RPAP2: variants seen among roughly 807,000 people sequenced by gnomAD.
RPAP2 encodes RNA polymerase II associated protein 2, also known as putative RNA polymerase II subunit B1 CTD phosphatase RPAP2.
RPAP2 carries 52 observed loss-of-function variants against 73.1 expected under a neutral mutation model. The observed-to-expected ratio is 0.71, with a 90% confidence interval of 0.57 to 0.90. The LOEUF is 0.90. Ranked by LOEUF, RPAP2 falls within the 40% of genes least tolerant of loss-of-function variation. The pLI is 0.00. For missense variants in RPAP2, 598 were observed against 701.8 expected, an observed-to-expected ratio of 0.85 and a Z score of 1.67; for synonymous variants, 225 against 242.1, an observed-to-expected ratio of 0.93 and a Z score of 0.65.
intron 6 of RPAP2, among the ~76,000 whole-genome samples, chr1:92,312,373 CACACCACTGCACTCCAGCCTTGGCA>C (rs779732485): frequency 4.6e-5 from 7 of 151,154 alleles, no homozygotes; most frequent in Non-Finnish European, 8.8e-5. Context: ...TGAGTTAGAT[CACACCACTGCACTCCAGCCTTGGCA>C]ACAGAGCAAG....
In RPAP2 at chr1:92,393,576, A is replaced by C. The variant is rs1007405286; in HGVS notation, c.*6565A>C. The C allele has an allele frequency of 3.3e-5, 5 of 152,230 alleles. No individual in the cohort carries two copies. The highest frequency in any genetic ancestry group is 3.3e-4 in the Admixed American group (5 of 15,286). 9.4% of individuals were successfully genotyped at this position (152,230 alleles called of 1,614,324 possible). A position where few individuals can be genotyped will look rare whatever the true frequency, so the allele number is the denominator to read the frequency against. ...GGGAGAACATTTTTGCAATATATCC[A>C]TCTGACAAAGGGCTAATATCCAGAA... On this transcript the variant is annotated 3_prime_UTR_variant, in exon 13 of 13. Transcript: ENST00000610020.
intron 4 of RPAP2, 21 bp downstream of exon 4, chr1:92,304,096 A>G (rs184276869): frequency 6.7e-7 from 1 of 1,498,404 alleles, no homozygotes; most frequent in Non-Finnish European, 9.2e-7. Flanking sequence ...CATTTTTTTT[A>G]AAATATAGGC....
rs1349177205 is a variant in RPAP2, at chr1:92,396,033, G to T, written c.*9022G>T. On this transcript the variant is annotated 3_prime_UTR_variant, in exon 13 of 13. Coordinates refer to ENST00000610020, the MANE Select transcript of RPAP2 (RefSeq NM_024813.3). Reference sequence around the variant, plus strand: ...AATGGTGCAGCCACTTTGGAAAACAGTTTGGCAGTTTCTTAAAAAGATAAA... The same window carrying T: ...AATGGTGCAGCCACTTTGGAAAACATTTTGGCAGTTTCTTAAAAAGATAAA... 1 of 152,158 alleles carries T rather than the reference G, an allele frequency of 6.6e-6. No homozygotes were observed. Among genetic ancestry groups the T allele is most frequent in the Non-Finnish European group, 1.5e-5 (1 of 68,026 alleles). 9.4% of individuals were successfully genotyped at this position (152,158 alleles called of 1,614,324 possible). A position where few individuals can be genotyped will look rare whatever the true frequency, so the allele number is the denominator to read the frequency against.
At chr1:92,371,317 A>ATATATATATATATATAT (rs1430055099) in intron 11 of RPAP2, among the ~76,000 whole-genome samples, 6 of 55,762 alleles carry the variant, frequency 1.1e-4, no homozygotes, top group African/African-American at 5.6e-4. Flanking sequence ...AAAAAAAAAA[A>ATATATATATATATATAT]AAATATATAT....
intron 6 of RPAP2, among the ~76,000 whole-genome samples, chr1:92,311,192 C>A (rs532572692): frequency 6.6e-6 from 1 of 152,228 alleles, no homozygotes; most frequent in African/African-American, 2.4e-5. Context: ...CTGTAGGAAA[C>A]CTGCTTCTCA....
intron 11 of RPAP2, among the ~76,000 whole-genome samples, chr1:92,353,637 C>A (rs1654323373): frequency 1.3e-5 from 2 of 152,036 alleles, no homozygotes; most frequent in Non-Finnish European, 2.9e-5. Context: ...TTGTTTCTTG[C>A]TTATATACAT....
intron 11 of RPAP2, among the ~76,000 whole-genome samples, chr1:92,380,115 C>CA (rs888455299): frequency 4.1e-5 from 6 of 146,542 alleles, no homozygotes; most frequent in Non-Finnish European, 9.1e-5. Flanking sequence ...CCGTCTCTAC[C>CA]AAAAAAACGA....
chr1:92,324,075 T>A lies in RPAP2; in HGVS notation c.1155T>A (p.Phe385Leu). 1 of 1,614,048 alleles carries A rather than the reference T, an allele frequency of 6.2e-7. No homozygotes were observed. Among genetic ancestry groups the A allele is most frequent in the East Asian group, 2.2e-5 (1 of 44,872 alleles). The change falls in exon 8 of 13, where the codon TTT becomes TTA. Residue 385 changes from phenylalanine (F) to leucine (L), a missense_variant. Phe to Leu is a conservative substitution (Grantham distance 22). Transcript: ENST00000610020. Reference protein sequence around the residue: ...IEWKTEETLRFLYGQNYASVC... With the variant: ...IEWKTEETLRLLYGQNYASVC... ...GGAAGACAGAAGAAACATTGAGGTT[T>A]TTGTATGGCCAGAATTATGCTTCTG...
In RPAP2 at chr1:92,394,328, G is replaced by C. The variant is rs1656128978; in HGVS notation, c.*7317G>C. Reference sequence around the variant, plus strand: ...ACATCACACACCAGGGCCTGTGGGGGGTGGGGGGCTAAGGGAGGGATAACA... The same window carrying C: ...ACATCACACACCAGGGCCTGTGGGGCGTGGGGGGCTAAGGGAGGGATAACA... On this transcript the variant is annotated 3_prime_UTR_variant, in exon 13 of 13. Coordinates refer to ENST00000610020, the MANE Select transcript of RPAP2 (RefSeq NM_024813.3). 1 of 152,162 alleles carries C rather than the reference G, an allele frequency of 6.6e-6. No homozygotes were observed. The highest frequency in any genetic ancestry group is 1.5e-5 in the Non-Finnish European group (1 of 68,060). The allele number at this position is 152,162 out of a possible 1,614,324, so 9.4% of individuals were successfully genotyped here.
intron 10 of RPAP2, among the ~76,000 whole-genome samples, chr1:92,342,930 C>T (rs6603962): frequency 0.48 from 72,206 of 151,892 alleles, 18,168 homozygotes; most frequent in East Asian, 0.96. Flanking sequence ...ATTAGACATC[C>T]AAGTAGAAGT....
At chr1:92,371,319 A>AAATATATATATATATATATAT (rs1199565882) in intron 11 of RPAP2, among the ~76,000 whole-genome samples, 1 of 61,728 alleles carries the variant, frequency 1.6e-5, no homozygotes, top group African/African-American at 7.2e-5. Flanking sequence ...AAAAAAAAAA[A>AAATATATATATATATATATAT]ATATATATAT....
intron 8 of RPAP2, among the ~76,000 whole-genome samples, chr1:92,329,878 AC>A (rs1337424577): frequency 6.6e-6 from 1 of 152,224 alleles, no homozygotes; most frequent in Admixed American, 6.5e-5. Context: ...ATCATAAATC[AC>A]ATGGTACAAA....
At chr1:92,301,370 T>A in intron 2 of RPAP2, 106 bp from the exon 3 acceptor site, 1 of 444,414 alleles carries the variant, frequency 2.3e-6, no homozygotes, top group South Asian at 4.8e-5. Flanking sequence ...TAAATATATT[T>A]AAATTTAAGT....
intron 10 of RPAP2, among the ~76,000 whole-genome samples, chr1:92,338,782 T>G: frequency 6.6e-6 from 1 of 151,938 alleles, no homozygotes; most frequent in Non-Finnish European, 1.5e-5. Context: ...TTTTTAAGTT[T>G]TCTGTAGAGA....
At chr1:92,385,795 T>C (rs144060174) in intron 12 of RPAP2, among the ~76,000 whole-genome samples, 131 of 152,356 alleles carry the variant, frequency 8.6e-4, no homozygotes, top group Non-Finnish European at 1.6e-3. Flanking sequence ...ACAAACATTT[T>C]TTATGTCACA....
rs1162611163 is a variant in RPAP2, at chr1:92,389,976, A to G, written c.*2965A>G. ...ACCAAGTTTGAAAACACTCTTCAGG[A>G]TATTATCCAGGAGAGCTTCCCCAAC... On this transcript the variant is annotated 3_prime_UTR_variant, in exon 13 of 13. Transcript: ENST00000610020. The G allele has an allele frequency of 6.6e-6, 1 of 152,240 alleles. No individual in the cohort carries two copies. The highest frequency in any genetic ancestry group is 2.4e-5 in the African/African-American group (1 of 41,452). The allele number at this position is 152,240 out of a possible 1,614,324, so 9.4% of individuals were successfully genotyped here.
intron 11 of RPAP2, among the ~76,000 whole-genome samples, chr1:92,379,728 A>G (rs956069849): frequency 6.6e-6 from 1 of 151,640 alleles, no homozygotes; most frequent in Non-Finnish European, 1.5e-5. Context: ...TCAGGTCAGG[A>G]GTTCGAGACC....
At chr1:92,371,325 T>C (rs1284340059) in intron 11 of RPAP2, among the ~76,000 whole-genome samples, 1 of 31,054 alleles carries the variant, frequency 3.2e-5, no homozygotes, top group Non-Finnish European at 5.6e-5. Context: ...AAAAAATATA[T>C]ATATATATAT....
intron 6 of RPAP2, among the ~76,000 whole-genome samples, chr1:92,316,050 A>T (rs1651887012): frequency 6.6e-6 from 1 of 152,216 alleles, no homozygotes; most frequent in Non-Finnish European, 1.5e-5. Context: ...GGCTAAATGT[A>T]GGCTCTGACA....
Sources: allele counts gnomAD v4.1 joint callset (sites outside exome capture counted in the v4.1 genomes callset), GRCh38; gene constraint gnomAD v4.1.1; transcripts MANE v1.5; gene names NCBI Gene and HGNC (gene_info 2026-07-23, HGNC 2026-07-21).